Variants in OR10G3 observed in about 807,000 individuals in gnomAD.
OR10G3 encodes olfactory receptor 10G3.
A neutral mutation model predicts 13.4 loss-of-function variants in OR10G3; 8 were observed. The ratio of observed to expected loss-of-function variants is 0.60; its 90% CI spans 0.35 to 1.08. OR10G3 has a LOEUF of 1.08. Ranked by LOEUF, OR10G3 falls within the 50% of genes least tolerant of loss-of-function variation. OR10G3 has a pLI of 0.02. For missense variants in OR10G3, 393 were observed against 386.6 expected (o/e 1.02, Z -0.14); for synonymous variants, 142 against 156.1 (o/e 0.91, Z 0.67).
chr14:21,571,229 G>A (rs1893065124), intron 1 of OR10G3, among the ~76,000 whole-genome samples: 1 of 152,156 alleles, frequency 6.6e-6, no homozygotes, highest in South Asian at 2.1e-4. Context: ...TCTTCCAGAG[G>A]CCACTGGCTC....
intron 1 of OR10G3, among the ~76,000 whole-genome samples, chr14:21,578,132 C>T (rs780059101): frequency 1.1e-4 from 16 of 151,870 alleles, no homozygotes; most frequent in Non-Finnish European, 1.9e-4. Flanking sequence ...ATCTAGAGGC[C>T]GGTCGCGGTG....
intron 1 of OR10G3, among the ~76,000 whole-genome samples, chr14:21,573,577 C>T (rs890066184): frequency 2.6e-5 from 4 of 151,454 alleles, no homozygotes; most frequent in African/African-American, 7.3e-5. Flanking sequence ...GAGGTCGAGG[C>T]GGCAGAATTG....
At chr14:21,578,303 C>T (rs1404086897) in intron 1 of OR10G3, among the ~76,000 whole-genome samples, 1 of 151,994 alleles carries the variant, frequency 6.6e-6, no homozygotes, top group East Asian at 1.9e-4. Flanking sequence ...CCCAGCTACA[C>T]AGGAGGCTGA....
chr14:21,570,351 G>C lies in OR10G3; in HGVS notation c.394C>G (p.Arg132Gly). Residue 132 changes from arginine (R) to glycine (G), a missense_variant, in exon 2 of 2, where the codon CGC becomes GGC. By Grantham distance (125) the Arg-to-Gly change is moderately radical (BLOSUM62 -2). Transcript: ENST00000641040. Reference protein sequence around the residue: ...DRYLAICQPLRYPVLMTAKLS... With the variant: ...DRYLAICQPLGYPVLMTAKLS... ...TTAGCAGTCATGAGCACAGGGTAGC[G>C]CAGGGGCTGACATATTGCCAGGTAC... 1 of 1,614,178 alleles carries C rather than the reference G, an allele frequency of 6.2e-7. No individual in the cohort carries two copies. The highest frequency in any genetic ancestry group is 8.5e-7 in the Non-Finnish European group (1 of 1,180,020).
chr14:21,578,369 C>T (rs904820264), intron 1 of OR10G3, among the ~76,000 whole-genome samples: 3 of 151,968 alleles, frequency 2.0e-5, no homozygotes, highest in Non-Finnish European at 2.9e-5. Flanking sequence ...TGAGATCGTG[C>T]GATTGCACTC....
At position 21,579,687 on chromosome 14, in the gene OR10G3, G is replaced by C. The variant is rs1876848849; in HGVS notation, c.-18+99C>G. 3 of 152,318 alleles carry C rather than the reference G, an allele frequency of 2.0e-5. No individual in the cohort carries two copies. The South Asian group carries it at 6.2e-4, about 32-fold the overall frequency. 9.4% of individuals were successfully genotyped at this position (152,318 alleles called of 1,614,324 possible). ...GAATATTGAGAGATGAAGTGACTCA[G>C]AGTAGAGAAACCCCTTACACAATGT... On this transcript the variant is annotated intron_variant, in intron 1 of 1. Coordinates refer to ENST00000641040, the MANE Select transcript of OR10G3 (RefSeq NM_001005465.2).
At chr14:21,571,352 T>C (rs972147249) in intron 1 of OR10G3, among the ~76,000 whole-genome samples, 1 of 152,212 alleles carries the variant, frequency 6.6e-6, no homozygotes, top group African/African-American at 2.4e-5. Context: ...GCTGTACAGA[T>C]CTACTTTCCA....
Position 21,576,722 on chromosome 14 carries a change from C to T in OR10G3, c.-18+3064G>A, listed in dbSNP as rs530321249. Among the ~76,000 whole-genome samples the T allele has an allele frequency of 6.8e-4, 104 of 152,132 alleles. 1 individual carries two copies. The highest frequency in any genetic ancestry group is 1.3e-3 in the Non-Finnish European group (90 of 67,994). On this transcript the variant is annotated intron_variant, in intron 1 of 1. Coordinates refer to ENST00000641040, the MANE Select transcript of OR10G3 (RefSeq NM_001005465.2). ...TGGAGAATATTCTAAGATTTACTCC[C>T]TAAAAAGTGTTATTTCTTTTGCAAA...
At chr14:21,573,949 T>C (rs550178770) in intron 1 of OR10G3, among the ~76,000 whole-genome samples, 2 of 152,240 alleles carry the variant, frequency 1.3e-5, no homozygotes, top group South Asian at 4.1e-4. Context: ...TAAAACAGGC[T>C]TGATGAAAAT....
At chr14:21,578,307 A>C (rs1469574295) in intron 1 of OR10G3, among the ~76,000 whole-genome samples, 1 of 152,104 alleles carries the variant, frequency 6.6e-6, no homozygotes, top group Non-Finnish European at 1.5e-5. Context: ...GCTACACAGG[A>C]GGCTGAGGCA....
intron 1 of OR10G3, among the ~76,000 whole-genome samples, chr14:21,573,626 T>C (rs1461258869): frequency 6.6e-6 from 1 of 151,256 alleles, no homozygotes; most frequent in Non-Finnish European, 1.5e-5. Context: ...GAGCTGAGAT[T>C]GTGCCACTGC....
intron 1 of OR10G3, among the ~76,000 whole-genome samples, chr14:21,572,645 T>G (rs1221191143): frequency 6.7e-6 from 1 of 149,838 alleles, no homozygotes; most frequent in Non-Finnish European, 1.5e-5. Flanking sequence ...GGAAAAGGGT[T>G]GGAATAATGA....
At chr14:21,575,893 G>C (rs770085003) in intron 1 of OR10G3, among the ~76,000 whole-genome samples, 18 of 152,166 alleles carry the variant, frequency 1.2e-4, no homozygotes, top group Non-Finnish European at 2.6e-4. Context: ...CACAGCGATG[G>C]CTGAACTTCA....
Position 21,569,669 on chromosome 14 carries a change from C to T in OR10G3, c.*134G>A. On this transcript the variant is annotated 3_prime_UTR_variant, in exon 2 of 2. Coordinates refer to ENST00000641040, the MANE Select transcript of OR10G3 (RefSeq NM_001005465.2). The stretch of plus-strand genomic sequence containing the variant: ...AACTGTTAGAAAGTTAGTATTTTAC[C>T]TTAAACTGTGTTTGATCATACAGTA... 2 of 715,444 alleles carry T rather than the reference C, an allele frequency of 2.8e-6. No homozygotes were observed. Among genetic ancestry groups the T allele is most frequent in the Non-Finnish European group, 2.3e-6 (1 of 433,610 alleles). 44.3% of individuals were successfully genotyped at this position (715,444 alleles called of 1,614,324 possible).
intron 1 of OR10G3, among the ~76,000 whole-genome samples, chr14:21,578,712 CTTT>C (rs75528210): frequency 0.091 from 13,795 of 151,898 alleles, 1,001 homozygotes; most frequent in East Asian, 0.36. Context: ...TCAAAGCACA[CTTT>C]TTTATTTATA....
chr14:21,579,825 C>T lies in OR10G3; in HGVS notation c.-57G>A, dbSNP rs72686014. On this transcript the variant is annotated 5_prime_UTR_variant, in exon 1 of 2. Coordinates refer to ENST00000641040, the MANE Select transcript of OR10G3 (RefSeq NM_001005465.2). ...ATCCATCAAAAACTCTTCTTGCAGA[C>T]GGAGAGAAAGGATACAAATCTATTC... is the stretch of plus-strand genomic sequence containing the variant. 10,413 of 152,152 alleles carry T rather than the reference C, an allele frequency of 0.068. 463 individuals carry two copies. Among genetic ancestry groups the T allele is most frequent in the South Asian group, 0.16 (768 of 4,822 alleles). The allele number at this position is 152,152 out of a possible 1,614,324, so 9.4% of individuals were successfully genotyped here. A position where few individuals can be genotyped will look rare whatever the true frequency, so the allele number is the denominator to read the frequency against.
At chr14:21,577,496 TGTA>T (rs1252523861) in intron 1 of OR10G3, among the ~76,000 whole-genome samples, 1 of 152,224 alleles carries the variant, frequency 6.6e-6, no homozygotes, top group African/African-American at 2.4e-5. Context: ...ATCAAAATAA[TGTA>T]GTAAATCATG....
At chr14:21,578,490 A>C (rs1876810987) in intron 1 of OR10G3, among the ~76,000 whole-genome samples, 1 of 152,088 alleles carries the variant, frequency 6.6e-6, no homozygotes, top group Non-Finnish European at 1.5e-5. Context: ...AATATATGAG[A>C]AATATTAGGG....
At position 21,579,933 on chromosome 14, in the gene OR10G3, CT is replaced by C. The variant is rs1447048752; in HGVS notation, c.-166del. ...AGAAGACCCAACTAATTACTTTTGG[CT>C]GGATCAAAGTAAAGAGTCAAACTAT... On this transcript the variant is annotated 5_prime_UTR_variant, in exon 1 of 2. Transcript: ENST00000641040. 1 of 152,178 alleles carries C rather than the reference CT, an allele frequency of 6.6e-6. No homozygotes were observed. Among genetic ancestry groups the C allele is most frequent in the African/African-American group, 2.4e-5 (1 of 41,446 alleles). The allele number at this position is 152,178 out of a possible 1,614,324, so 9.4% of individuals were successfully genotyped here.
Sources: allele counts gnomAD v4.1 joint callset (sites outside exome capture counted in the v4.1 genomes callset), GRCh38; gene constraint gnomAD v4.1.1; transcripts MANE v1.5; gene names NCBI Gene and HGNC (gene_info 2026-07-23, HGNC 2026-07-21).